Variants in ZHX2 observed in about 807,000 individuals in gnomAD.
The protein encoded by ZHX2 is zinc fingers and homeoboxes 2, also known as zinc fingers and homeoboxes protein 2.
In ZHX2, 6 loss-of-function variants were observed where a neutral mutation model predicts 21.9. That is an observed-to-expected ratio of 0.27 (90% CI 0.15 to 0.54). The LOEUF is 0.54. ZHX2 is among the 20% of genes least tolerant of loss of function. ZHX2 has a pLI of 0.95. For synonymous variants in ZHX2, 434 were observed against 437.1 expected, an observed-to-expected ratio of 0.99 and a Z score of 0.09; for missense variants, 908 against 1,090.7, an observed-to-expected ratio of 0.83 and a Z score of 2.36.
intron 1 of ZHX2, among the ~76,000 whole-genome samples, chr8:122,858,811 T>C (rs1819097044): frequency 6.6e-6 from 1 of 152,050 alleles, no homozygotes; most frequent in Non-Finnish European, 1.5e-5. Flanking sequence ...CAGCTAATTT[T>C]TGTATTTTTA....
rs986577233 is a variant in ZHX2 at position 122,946,644 on chromosome 8, A to G, written c.-219-4648A>G. On this transcript the variant is annotated intron_variant, in intron 2 of 3. Transcript: ENST00000314393. ...AAAAGGTATTTCCTCCCCTGGGTCT[A>G]CTCCTGCCTGATGTCTTTTTTCTGC... Among the ~76,000 whole-genome samples, 7 of 151,546 alleles carry G rather than the reference A, an allele frequency of 4.6e-5. No homozygotes were observed. In the South Asian group the frequency reaches 6.3e-4, roughly 14 times the overall value.
intron 3 of ZHX2, among the ~76,000 whole-genome samples, chr8:122,963,215 GT>G (rs1328505366): frequency 2.0e-5 from 3 of 152,160 alleles, no homozygotes; most frequent in Non-Finnish European, 4.4e-5. Context: ...GTCTAGAAGA[GT>G]TTTTCTGATG....
At chr8:122,944,935 A>G (rs1308175554) in intron 2 of ZHX2, among the ~76,000 whole-genome samples, 2 of 152,202 alleles carry the variant, frequency 1.3e-5, no homozygotes, top group South Asian at 2.1e-4. Flanking sequence ...CTAATCCAAT[A>G]TAACTGATGT....
At chr8:122,849,902 G>A (rs1397317491) in intron 1 of ZHX2, among the ~76,000 whole-genome samples, 6 of 151,984 alleles carry the variant, frequency 3.9e-5, no homozygotes, top group African/African-American at 7.3e-5. Context: ...CAGAGCAAAC[G>A]TTTGTTCTTT....
chr8:122,886,464 C>T (rs745493404), intron 2 of ZHX2, among the ~76,000 whole-genome samples: 2 of 152,096 alleles, frequency 1.3e-5, no homozygotes, highest in Non-Finnish European at 2.9e-5. Flanking sequence ...TCATGTAAAC[C>T]ATGGACTTAA....
intron 1 of ZHX2, among the ~76,000 whole-genome samples, chr8:122,837,055 C>T (rs1446722414): frequency 2.0e-5 from 3 of 152,126 alleles, no homozygotes; most frequent in African/African-American, 7.2e-5. Context: ...GCTACACTCC[C>T]ACCAGCATCA....
intron 2 of ZHX2, among the ~76,000 whole-genome samples, chr8:122,904,608 C>A (rs373604896): frequency 6.6e-6 from 1 of 152,148 alleles, no homozygotes; most frequent in African/African-American, 2.4e-5. Flanking sequence ...AAGGCTCCCC[C>A]TCAAGTGTCA....
chr8:122,858,673 C>T (rs561707620), intron 1 of ZHX2, among the ~76,000 whole-genome samples: 1 of 132,340 alleles, frequency 7.6e-6, no homozygotes, highest in Admixed American at 8.4e-5. Flanking sequence ...CAGAATCTCA[C>T]TCTGTTGGCT....
At chr8:122,925,985 G>A (rs1365910698) in intron 2 of ZHX2, among the ~76,000 whole-genome samples, 1 of 152,092 alleles carries the variant, frequency 6.6e-6, no homozygotes, top group African/African-American at 2.4e-5. Flanking sequence ...TAAGTGAGAT[G>A]ACAGCCCAGA....
intron 2 of ZHX2, among the ~76,000 whole-genome samples, chr8:122,950,101 G>A (rs1342148199): frequency 6.6e-6 from 1 of 152,082 alleles, no homozygotes; most frequent in Non-Finnish European, 1.5e-5. Context: ...CCAAAACTCT[G>A]CCATACATAT....
chr8:122,852,526 G>C (rs952996031), intron 1 of ZHX2, among the ~76,000 whole-genome samples: 4 of 151,810 alleles, frequency 2.6e-5, no homozygotes, highest in African/African-American at 9.7e-5. Flanking sequence ...GGCCCAGGAT[G>C]TGAACTCAGG....
At chr8:122,835,765 G>A (rs1818480927) in intron 1 of ZHX2, among the ~76,000 whole-genome samples, 1 of 152,162 alleles carries the variant, frequency 6.6e-6, no homozygotes, top group Non-Finnish European at 1.5e-5. Context: ...GTTGTGATTT[G>A]AGAATAAAAA....
chr8:122,961,697 T>G (rs1341549418), intron 3 of ZHX2, among the ~76,000 whole-genome samples: 1 of 152,092 alleles, frequency 6.6e-6, no homozygotes, highest in Non-Finnish European at 1.5e-5. Flanking sequence ...TCATGAGAAC[T>G]CACTCACTAT....
At chr8:122,910,916 A>G (rs1586381468) in intron 2 of ZHX2, among the ~76,000 whole-genome samples, 1 of 152,336 alleles carries the variant, frequency 6.6e-6, no homozygotes, top group East Asian at 1.9e-4. Flanking sequence ...ACAAAGCATT[A>G]AACCCCAGGC....
chr8:122,848,555 A>G (rs1213420119), intron 1 of ZHX2, among the ~76,000 whole-genome samples: 1 of 152,144 alleles, frequency 6.6e-6, no homozygotes, highest in African/African-American at 2.4e-5. Context: ...TTGTGTGGGA[A>G]GACGTTTGGG....
At chr8:122,856,249 A>G (rs1819019235) in intron 1 of ZHX2, among the ~76,000 whole-genome samples, 1 of 152,216 alleles carries the variant, frequency 6.6e-6, no homozygotes, top group Non-Finnish European at 1.5e-5. Flanking sequence ...CCTATGCTAA[A>G]GAAAGTGGTT....
At chr8:122,948,898 C>T (rs572404226) in intron 2 of ZHX2, among the ~76,000 whole-genome samples, 1 of 152,252 alleles carries the variant, frequency 6.6e-6, no homozygotes, top group Admixed American at 6.5e-5. Context: ...GCTATCAAGA[C>T]AGGGAATCAC....
chr8:122,931,437 T>A (rs1217774624), intron 2 of ZHX2, among the ~76,000 whole-genome samples: 25 of 152,162 alleles, frequency 1.6e-4, no homozygotes, highest in Admixed American at 1.6e-3. Flanking sequence ...AGGTAGATAA[T>A]GTTGCACGCC....
At position 122,782,948 on chromosome 8, in the gene ZHX2, G is replaced by A. The variant is rs2130503210; in HGVS notation, c.-283+1002G>A. Among the ~76,000 whole-genome samples the A allele has an allele frequency of 6.6e-6, 1 of 152,340 alleles. No homozygotes were observed. The highest frequency in any genetic ancestry group is 3.4e-3 in the Middle Eastern group (1 of 294). Reference sequence around the variant, plus strand: ...TTGCAAACTTGCCCTTTTCCCAGCCGCTTTGCAGGAGGCTGCGGAGACGAA... The same window carrying A: ...TTGCAAACTTGCCCTTTTCCCAGCCACTTTGCAGGAGGCTGCGGAGACGAA... On this transcript the variant is annotated intron_variant, in intron 1 of 3. Transcript: ENST00000314393. The surrounding 1 kb of genome is among the most constrained non-coding windows in gnomAD (Gnocchi z 5.3).
Sources: allele counts gnomAD v4.1 joint callset (sites outside exome capture counted in the v4.1 genomes callset), GRCh38; gene constraint gnomAD v4.1.1; non-coding constraint Gnocchi (gnomAD v3.1); transcripts MANE v1.5; gene names NCBI Gene and HGNC (gene_info 2026-07-23, HGNC 2026-07-21).